Variants in NMNAT2 observed in about 807,000 individuals in gnomAD.
NMNAT2 encodes the protein nicotinamide nucleotide adenylyltransferase 2, also known as nicotinamide/nicotinic acid mononucleotide adenylyltransferase 2.
A neutral mutation model predicts 41.6 loss-of-function variants in NMNAT2; 11 were observed. That is an observed-to-expected ratio of 0.26 (90% CI 0.17 to 0.44). NMNAT2 has a LOEUF of 0.44. NMNAT2 is among the 20% of genes least tolerant of loss of function. NMNAT2 has a pLI of 1.00. For missense variants in NMNAT2, 288 were observed against 407.7 expected (o/e 0.71, Z 2.53); for synonymous variants, 148 against 151.2 (o/e 0.98, Z 0.16).
chr1:183,346,588 A>C (rs968379690), intron 1 of NMNAT2, among the ~76,000 whole-genome samples: 1 of 152,154 alleles, frequency 6.6e-6, no homozygotes, highest in African/African-American at 2.4e-5. Context: ...CGAGTCCCCA[A>C]ACAGGGCGGT....
At chr1:183,253,118 C>T (rs1015647818) in intron 10 of NMNAT2, among the ~76,000 whole-genome samples, 6 of 151,786 alleles carry the variant, frequency 4.0e-5, no homozygotes, top group African/African-American at 1.5e-4. Flanking sequence ...AATGTATTCA[C>T]TATTCTTTTT....
intron 8 of NMNAT2, among the ~76,000 whole-genome samples, chr1:183,268,154 G>T (rs1032689409): frequency 3.3e-5 from 5 of 152,138 alleles, no homozygotes; most frequent in African/African-American, 7.2e-5. Flanking sequence ...ACATGTTGAG[G>T]CAGGAAGCAA....
intron 1 of NMNAT2, among the ~76,000 whole-genome samples, chr1:183,358,203 G>A (rs1163209930): frequency 3.3e-5 from 5 of 152,268 alleles, no homozygotes; most frequent in Admixed American, 2.6e-4. Flanking sequence ...TCAGTTGTAA[G>A]TGGGAGCTAA....
intron 8 of NMNAT2, among the ~76,000 whole-genome samples, chr1:183,269,182 G>A (rs758838503): frequency 4.6e-5 from 7 of 152,182 alleles, no homozygotes; most frequent in Non-Finnish European, 8.8e-5. Flanking sequence ...ATGGGCACAG[G>A]GATATCTAGG....
At chr1:183,321,239 C>T (rs1320573841) in intron 1 of NMNAT2, among the ~76,000 whole-genome samples, 1 of 152,142 alleles carries the variant, frequency 6.6e-6, no homozygotes, top group Admixed American at 6.5e-5. Context: ...GGATAAATTC[C>T]TCCCTTCTAT....
intron 1 of NMNAT2, chr1:183,304,797 A>T: frequency 6.2e-7 from 1 of 1,611,652 alleles, no homozygotes; most frequent in South Asian, 1.1e-5. Flanking sequence ...ATCAGAGAGT[A>T]ACACAAAGTG....
At chr1:183,345,968 G>A (rs758675450) in intron 1 of NMNAT2, among the ~76,000 whole-genome samples, 5 of 152,132 alleles carry the variant, frequency 3.3e-5, no homozygotes, top group African/African-American at 1.2e-4. Flanking sequence ...TTACAGTCGT[G>A]AGCCATTGAG....
intron 1 of NMNAT2, among the ~76,000 whole-genome samples, chr1:183,322,986 C>T (rs1213181122): frequency 1.3e-5 from 2 of 152,136 alleles, no homozygotes; most frequent in Non-Finnish European, 2.9e-5. Context: ...GGCTGGAGTG[C>T]AGTGGCGCGA....
At chr1:183,357,788 C>T (rs925419387) in intron 1 of NMNAT2, among the ~76,000 whole-genome samples, 6 of 151,858 alleles carry the variant, frequency 4.0e-5, no homozygotes, top group South Asian at 2.1e-4. Flanking sequence ...GATTGTTGGC[C>T]GCGTGTATGT....
intron 10 of NMNAT2, 46 bp from the exon 11 acceptor site, chr1:183,252,789 C>A: frequency 7.0e-7 from 1 of 1,431,170 alleles, no homozygotes; most frequent in South Asian, 1.1e-5. Flanking sequence ...ACACCCAAAG[C>A]AAGTCAGGAG....
intron 1 of NMNAT2, among the ~76,000 whole-genome samples, chr1:183,335,162 C>T (rs1187591895): frequency 3.3e-5 from 5 of 152,168 alleles, no homozygotes; most frequent in African/African-American, 4.8e-5. Flanking sequence ...GAAAAGTCAC[C>T]GAACAATCAC....
At chr1:183,349,008 C>A (rs1662990535) in intron 1 of NMNAT2, among the ~76,000 whole-genome samples, 1 of 152,118 alleles carries the variant, frequency 6.6e-6, no homozygotes. Context: ...CCAGGTTGAC[C>A]CAGGCATGTC....
At chr1:183,346,591 A>G (rs549666112) in intron 1 of NMNAT2, among the ~76,000 whole-genome samples, 5 of 152,336 alleles carry the variant, frequency 3.3e-5, no homozygotes, top group East Asian at 3.9e-4. Context: ...GTCCCCAAAC[A>G]GGGCGGTTTT....
chr1:183,359,192 T>C (rs1663256369), intron 1 of NMNAT2, among the ~76,000 whole-genome samples: 1 of 152,204 alleles, frequency 6.6e-6, no homozygotes, highest in Non-Finnish European at 1.5e-5. Context: ...GTCCCTCCTT[T>C]TGGAAATGGA....
chr1:183,323,495 T>A (rs191041166), intron 1 of NMNAT2, among the ~76,000 whole-genome samples: 20 of 152,348 alleles, frequency 1.3e-4, no homozygotes, highest in South Asian at 2.1e-4. Flanking sequence ...CAGAATGGAT[T>A]GGAAAGTGAG....
At chr1:183,272,645 A>G (rs1263880625) in intron 8 of NMNAT2, among the ~76,000 whole-genome samples, 1 of 152,194 alleles carries the variant, frequency 6.6e-6, no homozygotes, top group Non-Finnish European at 1.5e-5. Context: ...AAGAATCCAA[A>G]GTGAAAGAAA....
intron 1 of NMNAT2, among the ~76,000 whole-genome samples, chr1:183,340,614 G>C (rs946308987): frequency 2.0e-5 from 3 of 152,116 alleles, no homozygotes; most frequent in Admixed American, 1.3e-4. Context: ...ATGAGCCACC[G>C]TGCCTGGCCT....
At chr1:183,329,420 G>A (rs1341511142) in intron 1 of NMNAT2, among the ~76,000 whole-genome samples, 2 of 152,176 alleles carry the variant, frequency 1.3e-5, no homozygotes, top group Non-Finnish European at 2.9e-5. Flanking sequence ...ACCCATTAAA[G>A]TGTACATTCC....
rs191752053 is a variant in NMNAT2 at position 183,286,396 on chromosome 1, G to A, written c.448+266C>T. Among the ~76,000 whole-genome samples, 9 of 152,190 alleles carry A rather than the reference G, an allele frequency of 5.9e-5. No homozygotes were observed. In the East Asian group the frequency reaches 1.5e-3, roughly 26 times the overall value. On this transcript the variant is annotated intron_variant, in intron 5 of 10. Transcript: ENST00000287713. ...CGTGAGCCACCAGGCCCGGCCCTAC[G>A]TTTATATTTAAATGCAGGAGAAGAG... is the stretch of plus-strand genomic sequence containing the variant.
Sources: gnomAD v4.1 joint callset for allele counts (sites outside exome capture counted in the v4.1 genomes callset) on GRCh38, gnomAD v4.1.1 for gene constraint, MANE v1.5 for transcripts, NCBI Gene and HGNC (gene_info 2026-07-23, HGNC 2026-07-21) for gene names.